The following TEX15 variants were observed in gnomAD, a reference collection of about 807,000 sequenced individuals.
The protein encoded by TEX15 is testis-expressed protein 15.
A neutral mutation model predicts 237.3 loss-of-function variants in TEX15; 171 were observed. The observed-to-expected ratio is 0.72, with a 90% CI of 0.64 to 0.82. TEX15 has a LOEUF of 0.82. TEX15 is among the 40% of genes least tolerant of loss of function. The probability of loss-of-function intolerance (pLI) is 0.00; values close to 1 mark genes in which losing one functional copy is unlikely to be tolerated. For missense variants in TEX15, 3,750 were observed against 3,646.5 expected, an observed-to-expected ratio of 1.03 and a Z score of -0.73; for synonymous variants, 1,338 against 1,269.8, an observed-to-expected ratio of 1.05 and a Z score of -1.14.
intron 3 of TEX15, 154 bp downstream of exon 3, chr8:30,887,008 CTATTT>C: frequency 1.8e-6 from 1 of 570,442 alleles, no homozygotes; most frequent in Non-Finnish European, 2.9e-6. Flanking sequence ...TGCATCTATT[CTATTT>C]TGAGTGGAAA....
chr8:30,843,537 G>A lies in TEX15; in HGVS notation c.6630C>T (p.Ile2210=), dbSNP rs1807515174. 1.2e-6 allele frequency: 2 copies of A among 1,612,968 alleles called. No homozygotes were observed. The highest frequency in any genetic ancestry group is 1.7e-6 in the Non-Finnish European group (2 of 1,179,638). Residue 2210 remains isoleucine, a synonymous_variant, in exon 8 of 11, where the codon ATC becomes ATT. Coordinates refer to ENST00000643185, the MANE Select transcript of TEX15 (RefSeq NM_001350162.2). ...TCAACTTTAAAGTACTTTTTCTTAA[G>A]ATTTCCAGGTCTTCTAAACTATCTC... ...NFGDSLEDLE[I]LRKSTLKLIN...
chr8:30,870,038 C>G (rs1808258952), intron 4 of TEX15, among the ~76,000 whole-genome samples: 1 of 151,964 alleles, frequency 6.6e-6, no homozygotes, highest in South Asian at 2.1e-4. Context: ...CCTCTGAACC[C>G]TGCATGTACT....
chr8:30,847,324 G>A lies in TEX15; in HGVS notation c.2843C>T (p.Ala948Val). The A allele has an allele frequency of 6.2e-7, 1 of 1,613,782 alleles. No individual in the cohort carries two copies. Among genetic ancestry groups the A allele is most frequent in the South Asian group, 1.1e-5 (1 of 91,074 alleles). The stretch of plus-strand genomic sequence containing the variant: ...ATTTTCAGTATCTTTTTGTTTCACG[G>A]CACTAATGGTATCTTCTTCACTCTC... ...LLESEEDTIS[A>V]VKQKDTENTG... Residue 948 changes from alanine (A) to valine (V), a missense_variant, in exon 8 of 11, where the codon GCC becomes GTC. Ala to Val is a moderately conservative substitution (Grantham distance 64). Coordinates refer to ENST00000643185, the MANE Select transcript of TEX15 (RefSeq NM_001350162.2).
chr8:30,888,368 C>T lies in TEX15; in HGVS notation c.-9-1057G>A, dbSNP rs1244145025. ...TATTCCTACAGCTGATGGCCAACAA[C>T]AGCCAATCGCTTATTGACTACTGTT... is the stretch of plus-strand genomic sequence containing the variant. On this transcript the variant is annotated intron_variant, in intron 2 of 10. Transcript: ENST00000643185. 3.9e-5 allele frequency among the ~76,000 whole-genome samples: 6 copies of T among 152,280 alleles called. No homozygotes were observed. In the South Asian group the frequency reaches 1.2e-3, roughly 32 times the overall value.
chr8:30,871,627 C>T (rs1808293061), intron 4 of TEX15, among the ~76,000 whole-genome samples: 1 of 152,088 alleles, frequency 6.6e-6, no homozygotes, highest in Admixed American at 6.6e-5. Flanking sequence ...AGGAAAACTG[C>T]AGTCTACTCA....
chr8:30,846,301 G>T lies in TEX15; in HGVS notation c.3866C>A (p.Thr1289Asn), dbSNP rs1177496721. 5.6e-6 allele frequency: 9 copies of T among 1,612,726 alleles called. No homozygotes were observed. Among genetic ancestry groups the T allele is most frequent in the Non-Finnish European group, 7.6e-6 (9 of 1,179,558 alleles). ...TGATTCTACCTCCTTTTTATTTTTG[G>T]TATCATTATAGTCAGTTTTTGATTT... ...FTKSKTDYND[T>N]KNKKEVESRI... is the part of the protein sequence containing the mutation. The change falls in exon 8 of 11, where the codon ACC becomes AAC. Residue 1289 changes from threonine to asparagine, a missense_variant. Coordinates refer to ENST00000643185, the MANE Select transcript of TEX15 (RefSeq NM_001350162.2).
In TEX15 at chr8:30,842,937, A is replaced by G; in HGVS notation, c.7230T>C (p.Asp2410=). ...ILKKYFQMLQ[D]NNMDNIFITE... is the part of the protein sequence containing the mutation. ...TGATAAAAATATTATCCATGTTATTATCTTGTAGCATCTGAAAGTATTTTT... is the reference window on the plus strand; with the variant it reads ...TGATAAAAATATTATCCATGTTATTGTCTTGTAGCATCTGAAAGTATTTTT... The change falls in exon 8 of 11, where the codon GAT becomes GAC. Residue 2410 remains aspartate, a synonymous_variant. Transcript: ENST00000643185. 6.2e-7 allele frequency: 1 copy of G among 1,610,364 alleles called. No homozygotes were observed. Among genetic ancestry groups the G allele is most frequent in the Non-Finnish European group, 8.5e-7 (1 of 1,178,478 alleles).
chr8:30,859,996 T>C lies in TEX15; in HGVS notation c.602A>G (p.Asp201Gly). Reference protein sequence around the residue: ...PSVDKNKVSLDPSPNFDCHMS... With the variant: ...PSVDKNKVSLGPSPNFDCHMS... ...ATGGCAATCAAAGTTAGGAGAAGGATCCAAAGAAACTTTATTTTTATCCAC... is the reference window on the plus strand; with the variant it reads ...ATGGCAATCAAAGTTAGGAGAAGGACCCAAAGAAACTTTATTTTTATCCAC... Residue 201 changes from aspartate to glycine, a missense_variant, in exon 6 of 11, where the codon GAT becomes GGT. Physicochemically the swap from Asp to Gly is moderately conservative, Grantham distance 94. Transcript: ENST00000643185. 3 of 1,514,312 alleles carry C rather than the reference T, an allele frequency of 2.0e-6. No homozygotes were observed. Among genetic ancestry groups the C allele is most frequent in the African/African-American group, 1.4e-5 (1 of 71,264 alleles). The allele number at this position is 1,514,312 out of a possible 1,614,324, so 93.8% of individuals were successfully genotyped here.
chr8:30,896,913 T>G (rs906098269), intron 2 of TEX15, among the ~76,000 whole-genome samples: 2 of 152,174 alleles, frequency 1.3e-5, no homozygotes, highest in Non-Finnish European at 2.9e-5. Flanking sequence ...CAAAAAAGTC[T>G]AGAACTGATC....
chr8:30,841,846 T>A (rs181337969), intron 8 of TEX15, among the ~76,000 whole-genome samples, 158 bp downstream of exon 8: 1 of 152,248 alleles, frequency 6.6e-6, no homozygotes, highest in Non-Finnish European at 1.5e-5. Flanking sequence ...TTATAGATAA[T>A]ATGAATTGTT....
intron 10 of TEX15, 105 bp downstream of exon 10, chr8:30,836,698 C>G: frequency 9.8e-7 from 1 of 1,018,818 alleles, no homozygotes; most frequent in African/African-American, 1.6e-5. Flanking sequence ...AAAATGACTG[C>G]TCTTTCTCCC....
chr8:30,847,294 C>T lies in TEX15; in HGVS notation c.2873G>A (p.Gly958Glu), dbSNP rs767642086. The part of the protein sequence containing the change: ...AVKQKDTENT[G>E]RSVEHLASTT... ...GGAAGCCAAATGCTCTACACTTCTT[C>T]CAGTATTTTCAGTATCTTTTTGTTT... Residue 958 changes from glycine (G) to glutamate (E), a missense_variant, in exon 8 of 11, where the codon GGA becomes GAA. By Grantham distance (98) the Gly-to-Glu change is moderately conservative. Coordinates refer to ENST00000643185, the MANE Select transcript of TEX15 (RefSeq NM_001350162.2). The T allele has an allele frequency of 2.2e-5, 35 of 1,613,940 alleles. No individual in the cohort carries two copies. Among genetic ancestry groups the T allele is most frequent in the Non-Finnish European group, 3.0e-5 (35 of 1,179,878 alleles).
At chr8:30,853,655 G>A (rs1807838007) in intron 7 of TEX15, among the ~76,000 whole-genome samples, 1 of 152,098 alleles carries the variant, frequency 6.6e-6, no homozygotes, top group Non-Finnish European at 1.5e-5. Flanking sequence ...ACAAATTTTG[G>A]TATTCATGGA....
Position 30,845,700 on chromosome 8 carries a change from C to T in TEX15, c.4467G>A (p.Arg1489=), listed in dbSNP as rs753680250. ...KTSGEKKCLS[R]KSMASSVSKS... ...TTGAGACACTGCTAGCCATACTTTT[C>T]CTAGAAAGGCATTTTTTCTCTCCAC... Residue 1489 remains arginine (R), a synonymous_variant, in exon 8 of 11, where the codon AGG becomes AGA. Transcript: ENST00000643185. 19 of 1,613,388 alleles carry T rather than the reference C, an allele frequency of 1.2e-5. No homozygotes were observed. The highest frequency in any genetic ancestry group is 1.6e-5 in the Non-Finnish European group (19 of 1,179,558).
chr8:30,856,294 C>T (rs376887516), intron 7 of TEX15, among the ~76,000 whole-genome samples: 1 of 151,866 alleles, frequency 6.6e-6, no homozygotes, highest in African/African-American at 2.4e-5. Context: ...TGGCTCACGA[C>T]TGTAATCCCA....
In TEX15 at chr8:30,842,546, G is replaced by A. The variant is rs1160383830; in HGVS notation, c.7621C>T (p.Leu2541Phe). Residue 2541 changes from leucine (L) to phenylalanine (F), a missense_variant, in exon 8 of 11, where the codon CTC (leucine) becomes TTC (phenylalanine). Leu to Phe is a conservative substitution (Grantham distance 22). Coordinates refer to ENST00000643185, the MANE Select transcript of TEX15 (RefSeq NM_001350162.2). ...GAAAGTTCTTGAAGTTCTCTTGAGA[G>A]CAAATGAATAGCATATGAGCAATTA... ...AVNCSYAIHL[L>F]SRELQELSEI... The A allele has an allele frequency of 1.2e-6, 2 of 1,610,482 alleles. No homozygotes were observed. Among genetic ancestry groups the A allele is most frequent in the Non-Finnish European group, 8.5e-7 (1 of 1,179,596 alleles).
chr8:30,911,832 A>C (rs1241666468), intron 1 of TEX15, among the ~76,000 whole-genome samples: 1 of 152,052 alleles, frequency 6.6e-6, no homozygotes, highest in Non-Finnish European at 1.5e-5. Flanking sequence ...AGAGGATGGA[A>C]ACTGCCTGAA....
chr8:30,863,603 G>C (rs532688710), intron 5 of TEX15, among the ~76,000 whole-genome samples: 2 of 152,166 alleles, frequency 1.3e-5, no homozygotes, highest in Admixed American at 1.3e-4. Flanking sequence ...TGACACCCAG[G>C]GGATTAAAGA....
intron 9 of TEX15, among the ~76,000 whole-genome samples, chr8:30,838,369 A>G (rs775525323): frequency 6.6e-6 from 1 of 152,068 alleles, no homozygotes; most frequent in Non-Finnish European, 1.5e-5. Flanking sequence ...TCACTAGTCA[A>G]TTGTTCAGTA....
Sources: allele counts gnomAD v4.1 joint callset (sites outside exome capture counted in the v4.1 genomes callset), GRCh38; gene constraint gnomAD v4.1.1; transcripts MANE v1.5; gene names NCBI Gene and HGNC (gene_info 2026-07-23, HGNC 2026-07-21).